LHFPL1: variants seen among roughly 807,000 people sequenced by gnomAD.
LHFPL1 encodes LHFPL tetraspan subfamily member 1, also known as LHFPL tetraspan subfamily member 1 protein.
Under a neutral mutation model 12.1 loss-of-function variants are expected in LHFPL1, and 4 were observed. That is an observed-to-expected ratio of 0.33 (90% CI 0.16 to 0.76). LHFPL1 has a LOEUF of 0.76. Ranked by LOEUF, LHFPL1 falls within the 30% of genes least tolerant of loss-of-function variation. The pLI is 0.61. For synonymous variants in LHFPL1, 52 were observed against 61.9 expected, an observed-to-expected ratio of 0.84 and a Z score of 0.75; for missense variants, 141 against 174.1, an observed-to-expected ratio of 0.81 and a Z score of 1.07.
intron 3 of LHFPL1, among the ~76,000 whole-genome samples, chrX:112,635,812 G>C (rs1038214093): frequency 9.9e-5 from 11 of 111,352 alleles, no homozygotes; most frequent in African/African-American, 3.6e-4. Context: ...GAGTGAGAAA[G>C]CACATGACAT....
chrX:112,639,063 GA>G (rs1415111809), intron 3 of LHFPL1, among the ~76,000 whole-genome samples: 1 of 112,118 alleles, frequency 8.9e-6, no homozygotes, highest in Non-Finnish European at 1.9e-5. Context: ...CAAGCTAAAT[GA>G]ACAGAGAACT....
intron 2 of LHFPL1, among the ~76,000 whole-genome samples, chrX:112,664,318 A>T (rs1288855693): frequency 8.9e-6 from 1 of 111,933 alleles, no homozygotes; most frequent in Non-Finnish European, 1.9e-5. Context: ...TATTATTCTT[A>T]TACAGCTGAC....
At chrX:112,643,599 G>A (rs947883170) in intron 3 of LHFPL1, among the ~76,000 whole-genome samples, 10 of 110,371 alleles carry the variant, frequency 9.1e-5, no homozygotes, top group Admixed American at 6.8e-4. Context: ...GGAAACTTTC[G>A]CCATGATTCA....
At position 112,665,941 on chromosome X, in the gene LHFPL1, A is replaced by T. The variant is rs965560152; in HGVS notation, c.382+5068T>A. Among the ~76,000 whole-genome samples the T allele has an allele frequency of 3.6e-5, 4 of 111,325 alleles. No homozygotes were observed. The East Asian group carries it at 8.5e-4, about 24-fold the overall frequency. ...CCAGCTGCTATATAATCCTCTCCCA[A>T]CTACACATTCTCAAATAGGTAGATG... On this transcript the variant is annotated intron_variant, in intron 2 of 3. Coordinates refer to ENST00000371968, the MANE Select transcript of LHFPL1 (RefSeq NM_178175.4).
intron 1 of LHFPL1, among the ~76,000 whole-genome samples, chrX:112,672,630 C>T (rs762426930): frequency 9.1e-6 from 1 of 110,464 alleles, no homozygotes; most frequent in East Asian, 2.9e-4. Context: ...TTGGGGGACC[C>T]AAAGCAGGGG....
chrX:112,641,428 C>T (rs1333694648), intron 3 of LHFPL1, among the ~76,000 whole-genome samples: 1 of 111,925 alleles, frequency 8.9e-6, no homozygotes, highest in African/African-American at 3.3e-5. Flanking sequence ...TCTGTGTGTG[C>T]TCAGGAAGTC....
intron 1 of LHFPL1, among the ~76,000 whole-genome samples, 156 bp downstream of exon 1, chrX:112,679,673 G>C (rs1427474521): frequency 1.8e-5 from 2 of 111,500 alleles, no homozygotes; most frequent in Non-Finnish European, 1.9e-5. Flanking sequence ...AAAGCACCAG[G>C]CTGCCCTCGG....
chrX:112,675,099 T>C (rs1453452507), intron 1 of LHFPL1, among the ~76,000 whole-genome samples: 1 of 110,830 alleles, frequency 9.0e-6, no homozygotes, highest in Non-Finnish European at 1.9e-5. Flanking sequence ...AATGACACAA[T>C]AGACTTTGGG....
At chrX:112,668,075 G>A (rs1236018578) in intron 2 of LHFPL1, among the ~76,000 whole-genome samples, 2 of 111,390 alleles carry the variant, frequency 1.8e-5, no homozygotes, top group Non-Finnish European at 3.8e-5. Context: ...CGGTTAATGC[G>A]CTAGCTGCCA....
chrX:112,672,305 G>T (rs1409940129), intron 1 of LHFPL1, among the ~76,000 whole-genome samples: 1 of 111,746 alleles, frequency 8.9e-6, no homozygotes, highest in Non-Finnish European at 1.9e-5. Flanking sequence ...ACCTTTCAAG[G>T]TCCCTTTTGG....
At chrX:112,650,505 T>C (rs1930823758) in intron 3 of LHFPL1, among the ~76,000 whole-genome samples, 1 of 111,934 alleles carries the variant, frequency 8.9e-6, no homozygotes, top group Non-Finnish European at 1.9e-5. Flanking sequence ...GTCACTTCTC[T>C]GTCCTCATCG....
chrX:112,675,186 G>C (rs1315957968), intron 1 of LHFPL1, among the ~76,000 whole-genome samples: 1 of 111,176 alleles, frequency 9.0e-6, no homozygotes, highest in African/African-American at 3.3e-5. Flanking sequence ...CGGGTGATGG[G>C]TGCGCCAAAA....
chrX:112,641,401 T>C (rs1930502994), intron 3 of LHFPL1, among the ~76,000 whole-genome samples: 1 of 111,229 alleles, frequency 9.0e-6, no homozygotes, highest in South Asian at 3.8e-4. Flanking sequence ...TTAGAGAAAA[T>C]AGAGACTGAG....
chrX:112,671,560 C>T, intron 1 of LHFPL1, 156 bp from the exon 2 acceptor site: 1 of 1,102,136 alleles, frequency 9.1e-7, no homozygotes, highest in Non-Finnish European at 1.2e-6. Context: ...CTCTCGAGGA[C>T]CATTTGGATC....
chrX:112,652,732 C>G (rs181266105), intron 3 of LHFPL1, among the ~76,000 whole-genome samples: 13 of 111,862 alleles, frequency 1.2e-4, no homozygotes, highest in African/African-American at 4.2e-4. Context: ...AAGGAGGGAG[C>G]TGCCTCATTA....
rs768491422 is a variant in LHFPL1 at position 112,665,672 on chromosome X, T to C, written c.383-4947A>G. On this transcript the variant is annotated intron_variant, in intron 2 of 3. Coordinates refer to ENST00000371968, the MANE Select transcript of LHFPL1 (RefSeq NM_178175.4). ...CCTCAGCTGCTCCCCTCCCTAAGAA[T>C]CCCCTATCACAAAACATACCAAATG... Among the ~76,000 whole-genome samples, 5 of 111,546 alleles carry C rather than the reference T, an allele frequency of 4.5e-5. No homozygotes were observed. The South Asian group carries it at 1.9e-3, about 42-fold the overall frequency.
intron 2 of LHFPL1, 137 bp downstream of exon 2, chrX:112,670,872 A>T: frequency 1.4e-6 from 1 of 692,323 alleles, no homozygotes; most frequent in Non-Finnish European, 2.1e-6. Context: ...TAAATATTTT[A>T]AAGGAGACTT....
At chrX:112,640,719 T>C (rs2147700650) in intron 3 of LHFPL1, among the ~76,000 whole-genome samples, 1 of 111,549 alleles carries the variant, frequency 9.0e-6, no homozygotes, top group Non-Finnish European at 1.9e-5. Flanking sequence ...GAGTTCTCAT[T>C]GTGTGTCTTA....
chrX:112,672,068 T>C (rs377536509), intron 1 of LHFPL1, among the ~76,000 whole-genome samples: 40 of 111,648 alleles, frequency 3.6e-4, no homozygotes, highest in African/African-American at 1.2e-3. Flanking sequence ...ATAAGGAGTG[T>C]CTAGTCTCAT....
Sources: allele counts gnomAD v4.1 joint callset (sites outside exome capture counted in the v4.1 genomes callset), GRCh38; gene constraint gnomAD v4.1.1; transcripts MANE v1.5; gene names NCBI Gene and HGNC (gene_info 2026-07-23, HGNC 2026-07-21).